The following CNTNAP2 variants were observed in gnomAD, a reference collection of about 807,000 sequenced individuals.
CNTNAP2 encodes the protein contactin associated protein 2, also known as contactin-associated protein-like 2.
In CNTNAP2, 98 loss-of-function variants were observed where a neutral mutation model predicts 155.2. The observed-to-expected ratio is 0.63, with a 90% CI of 0.54 to 0.75. CNTNAP2 has a LOEUF of 0.75. Ranked by LOEUF, CNTNAP2 falls within the 30% of genes least tolerant of loss-of-function variation. The pLI, the probability that CNTNAP2 is intolerant of heterozygous loss-of-function variation, is 0.00. For missense variants in CNTNAP2, 1,727 were observed against 1,688.1 expected (o/e 1.02, Z -0.40); for synonymous variants, 651 against 631.2 (o/e 1.03, Z -0.47).
chr7:147,485,900 G>T lies in CNTNAP2; in HGVS notation c.1671-35G>T, dbSNP rs369198992. On this transcript the variant is annotated intron_variant, in intron 10 of 23. Coordinates refer to ENST00000361727, the MANE Select transcript of CNTNAP2 (RefSeq NM_014141.6). ...GGCCACTCATAAATCTCATTTGTTT[G>T]TTGGTTTATTTCTGTTTGTCTCTCT... 5 of 1,602,436 alleles carry T rather than the reference G, an allele frequency of 3.1e-6. No individual in the cohort carries two copies. The African/African-American group carries it at 6.7e-5, about 21-fold the overall frequency.
intron 1 of CNTNAP2, among the ~76,000 whole-genome samples, chr7:146,385,309 C>T (rs1235365027): frequency 6.6e-6 from 1 of 152,092 alleles, no homozygotes; most frequent in Non-Finnish European, 1.5e-5. Context: ...ACAGTATTCC[C>T]ACCTGTACAG....
At chr7:146,755,470 G>A (rs867549007) in intron 1 of CNTNAP2, among the ~76,000 whole-genome samples, 3 of 152,086 alleles carry the variant, frequency 2.0e-5, no homozygotes, top group Middle Eastern at 3.4e-3. Context: ...ACATTGCTCT[G>A]CCATGAATAA....
intron 3 of CNTNAP2, among the ~76,000 whole-genome samples, chr7:146,983,172 G>A (rs775831704): frequency 3.2e-4 from 49 of 152,210 alleles, no homozygotes; most frequent in Middle Eastern, 3.4e-3. Context: ...ATCATTTCTG[G>A]AACAAAAGCT....
chr7:147,485,795 G>T, intron 10 of CNTNAP2, 140 bp from the exon 11 acceptor site: 1 of 796,524 alleles, frequency 1.3e-6, no homozygotes, highest in Admixed American at 1.8e-5. Flanking sequence ...ATATTAATCT[G>T]CTTAAACTAA....
intron 14 of CNTNAP2, among the ~76,000 whole-genome samples, chr7:147,939,838 G>C (rs1402746593): frequency 1.3e-5 from 2 of 151,882 alleles, no homozygotes; most frequent in African/African-American, 4.8e-5. Flanking sequence ...GTAAAGAAAG[G>C]TAAATAAATC....
At chr7:148,164,829 G>GA (rs2116679881) in intron 17 of CNTNAP2, among the ~76,000 whole-genome samples, 1 of 147,404 alleles carries the variant, frequency 6.8e-6, no homozygotes, top group African/African-American at 2.5e-5. Context: ...TTTTTTTTTA[G>GA]TACAGACAGG....
Position 147,121,003 on chromosome 7 carries a change from A to G in CNTNAP2, c.779A>G (p.Tyr260Cys). The G allele has an allele frequency of 4.3e-6, 7 of 1,613,772 alleles. No homozygotes were observed. The highest frequency in any genetic ancestry group is 1.3e-5 in the African/African-American group (1 of 75,016). The change falls in exon 6 of 24, where the codon TAT (tyrosine) becomes TGT (cysteine). Residue 260 changes from tyrosine (Y) to cysteine (C), a missense_variant. By Grantham distance (194) the Tyr-to-Cys change is radical. Coordinates refer to ENST00000361727, the MANE Select transcript of CNTNAP2 (RefSeq NM_014141.6). ...NLGSNQLGPI[Y>C]GHTSVMTGSL... ...GGAAGCAACCAGCTTGGCCCCATATATGGCCACACATCAGTGATGACAGGA... is the reference window on the plus strand; with the variant it reads ...GGAAGCAACCAGCTTGGCCCCATATGTGGCCACACATCAGTGATGACAGGA...
intron 12 of CNTNAP2, among the ~76,000 whole-genome samples, chr7:147,585,777 GTGTGTGTGTGTGTATATA>G (rs1301229780): frequency 2.6e-4 from 4 of 15,546 alleles, no homozygotes; most frequent in African/African-American, 2.2e-3. Context: ...GTATATATAT[GTGTGTGTGTGTGTATATA>G]TGTGTGTGTG....
chr7:147,679,680 C>T (rs1211960936), intron 13 of CNTNAP2, among the ~76,000 whole-genome samples: 1 of 151,844 alleles, frequency 6.6e-6, no homozygotes, highest in Non-Finnish European at 1.5e-5. Flanking sequence ...CCCACTTGAC[C>T]CCATTCCAGG....
At chr7:146,856,186 A>G (rs1014828537) in intron 3 of CNTNAP2, among the ~76,000 whole-genome samples, 2 of 152,008 alleles carry the variant, frequency 1.3e-5, no homozygotes, top group African/African-American at 4.8e-5. Context: ...GCACACCTTT[A>G]GAGAAAAATA....
intron 3 of CNTNAP2, among the ~76,000 whole-genome samples, chr7:146,840,402 G>C (rs1429110365): frequency 1.3e-5 from 2 of 152,104 alleles, no homozygotes; most frequent in Non-Finnish European, 2.9e-5. Flanking sequence ...AGAGAATAAA[G>C]CTTAACCCAT....
intron 12 of CNTNAP2, among the ~76,000 whole-genome samples, chr7:147,585,047 T>C (rs1800590817): frequency 6.6e-6 from 1 of 152,170 alleles, no homozygotes; most frequent in East Asian, 1.9e-4. Flanking sequence ...GTCTCTGTGT[T>C]GCCCACAGCC....
At chr7:147,080,413 A>G (rs1017851742) in intron 4 of CNTNAP2, among the ~76,000 whole-genome samples, 23 of 152,110 alleles carry the variant, frequency 1.5e-4, no homozygotes, top group Non-Finnish European at 2.6e-4. Context: ...GTATAGCATG[A>G]ACTTAATAAA....
intron 8 of CNTNAP2, among the ~76,000 whole-genome samples, chr7:147,158,312 T>TA (rs1157029186): frequency 6.6e-6 from 1 of 152,086 alleles, no homozygotes; most frequent in Non-Finnish European, 1.5e-5. Flanking sequence ...CCACCAAGCT[T>TA]AAAAAACACC....
intron 8 of CNTNAP2, among the ~76,000 whole-genome samples, chr7:147,205,727 C>A (rs943168775): frequency 6.6e-6 from 1 of 150,528 alleles, no homozygotes; most frequent in Non-Finnish European, 1.5e-5. Context: ...TAAGATGATA[C>A]TTACCAGCAG....
intron 21 of CNTNAP2, among the ~76,000 whole-genome samples, chr7:148,305,834 G>C (rs1797481688): frequency 6.6e-6 from 1 of 152,068 alleles, no homozygotes; most frequent in Non-Finnish European, 1.5e-5. Context: ...ATTTGCGGGG[G>C]GGACACAGAG....
chr7:148,332,791 T>C (rs1183337886), intron 21 of CNTNAP2, among the ~76,000 whole-genome samples: 1 of 152,196 alleles, frequency 6.6e-6, no homozygotes, highest in African/African-American at 2.4e-5. Context: ...TTTTGAACGA[T>C]GCTTCAGGGC....
At chr7:147,653,618 C>G (rs1795480724) in intron 13 of CNTNAP2, among the ~76,000 whole-genome samples, 2 of 152,076 alleles carry the variant, frequency 1.3e-5, no homozygotes, top group Admixed American at 1.3e-4. Flanking sequence ...GGGGAGGAAC[C>G]ACGCTGAGGA....
chr7:147,921,437 A>G (rs1484477974), intron 14 of CNTNAP2, among the ~76,000 whole-genome samples: 1 of 152,206 alleles, frequency 6.6e-6, no homozygotes, highest in Non-Finnish European at 1.5e-5. Flanking sequence ...TGTTTTGGGC[A>G]GCTTACTACA....
Sources: allele counts gnomAD v4.1 joint callset (sites outside exome capture counted in the v4.1 genomes callset), GRCh38; gene constraint gnomAD v4.1.1; transcripts MANE v1.5; gene names NCBI Gene and HGNC (gene_info 2026-07-23, HGNC 2026-07-21).